The following CAPZB variants were observed in gnomAD, a reference collection of about 807,000 sequenced individuals.
CAPZB encodes F-actin-capping protein subunit beta.
Under a neutral mutation model 38.1 loss-of-function variants are expected in CAPZB, and 2 were observed. The observed-to-expected ratio is 0.05, with a 90% CI of 0.02 to 0.17. CAPZB has a LOEUF of 0.17. CAPZB is among the 10% of genes least tolerant of loss of function. The probability of loss-of-function intolerance (pLI) is 1.00; values close to 1 mark genes in which losing one functional copy is unlikely to be tolerated. For synonymous variants in CAPZB, 107 were observed against 127.4 expected (o/e 0.84, Z 1.08); for missense variants, 161 against 334.2 (o/e 0.48, Z 4.04).
chr1:19,436,865 G>A (rs1208437983), intron 1 of CAPZB, among the ~76,000 whole-genome samples: 2 of 152,202 alleles, frequency 1.3e-5, no homozygotes, highest in Admixed American at 6.5e-5. Flanking sequence ...CAAAGGCCTC[G>A]CTGGCCTTCT....
At chr1:19,378,940 G>T (rs2094157941) in intron 3 of CAPZB, among the ~76,000 whole-genome samples, 1 of 152,152 alleles carries the variant, frequency 6.6e-6, no homozygotes, top group African/African-American at 2.4e-5. Context: ...TGCGTAAAAT[G>T]CGGCTGCTAC....
chr1:19,469,738 G>T (rs1168195275), intron 1 of CAPZB, among the ~76,000 whole-genome samples: 3 of 86,614 alleles, frequency 3.5e-5, no homozygotes, highest in African/African-American at 1.4e-4. Context: ...AGGAGGAAAA[G>T]AATACACACA....
At chr1:19,381,031 T>C (rs556665656) in intron 3 of CAPZB, among the ~76,000 whole-genome samples, 23 of 152,118 alleles carry the variant, frequency 1.5e-4, no homozygotes, top group Admixed American at 1.2e-3. Context: ...TAGCTGGGTG[T>C]GGTGGCATGC....
At chr1:19,484,178 C>T (rs1202220204) in intron 1 of CAPZB, 1 of 1,610,132 alleles carries the variant, frequency 6.2e-7, no homozygotes, top group Non-Finnish European at 8.5e-7. Flanking sequence ...TCTCCCTAGG[C>T]GTTCTGCTCA....
chr1:19,471,560 GTTA>G (rs568001248), intron 1 of CAPZB, among the ~76,000 whole-genome samples: 1 of 133,152 alleles, frequency 7.5e-6, no homozygotes, highest in East Asian at 2.1e-4. Context: ...GTTCTTGTCT[GTTA>G]CGTCGAGAAA....
At position 19,349,818 on chromosome 1, in the gene CAPZB, G is replaced by A. The variant is rs149703188; in HGVS notation, c.589-4566C>T. 2.9e-3 allele frequency among the ~76,000 whole-genome samples: 438 copies of A among 152,200 alleles called. 1 individual carries two copies. The highest frequency in any genetic ancestry group is 6.8e-3 in the Middle Eastern group (2 of 294). On this transcript the variant is annotated intron_variant, in intron 6 of 8. Transcript: ENST00000264202. ...GTGCTTGGGGAGTGAGGGGCACAGG[G>A]CTCGGTGCACCCGGCCGTATTTCCA...
At chr1:19,366,283 A>AATATAAAT (rs1553270785) in intron 4 of CAPZB, among the ~76,000 whole-genome samples, 2 of 60,504 alleles carry the variant, frequency 3.3e-5, no homozygotes, top group African/African-American at 1.3e-4. Context: ...CGTGTCTTAA[A>AATATAAAT]ATATATATAT....
In CAPZB at chr1:19,436,451, AG is replaced by A. The variant is rs1393105612; in HGVS notation, c.4-16702del. Among the ~76,000 whole-genome samples, 3 of 152,222 alleles carry A rather than the reference AG, an allele frequency of 2.0e-5. No homozygotes were observed. The East Asian group carries it at 5.8e-4, about 29-fold the overall frequency. On this transcript the variant is annotated intron_variant, in intron 1 of 8. Transcript: ENST00000264202. ...TCAGATATGCCGAAGTGAAGACAAA[AG>A]GGCTTCTTTAAGTGCAATTTCTCAA... is the stretch of plus-strand genomic sequence containing the variant.
At chr1:19,415,982 G>A (rs191130938) in intron 2 of CAPZB, among the ~76,000 whole-genome samples, 2 of 152,328 alleles carry the variant, frequency 1.3e-5, no homozygotes, top group African/African-American at 2.4e-5. Flanking sequence ...CACTCTGGAC[G>A]ATGGGAATCC....
chr1:19,449,274 A>G (rs1053915830), intron 1 of CAPZB: 4 of 1,058,754 alleles, frequency 3.8e-6, no homozygotes, highest in Non-Finnish European at 4.6e-6. Context: ...TTCCGATGAC[A>G]GCCAGAAGAG....
In CAPZB at chr1:19,356,126, C is replaced by A. The variant is rs1035067449; in HGVS notation, c.588+509G>T. Reference sequence around the variant, plus strand: ...CATTACCTGGGCAATTTTGTGAAAACAGAGATCCTGATATGCTAGGTCTGG... The same window carrying A: ...CATTACCTGGGCAATTTTGTGAAAAAAGAGATCCTGATATGCTAGGTCTGG... On this transcript the variant is annotated intron_variant, in intron 6 of 8. Coordinates refer to ENST00000264202, the MANE Select transcript of CAPZB (RefSeq NM_004930.5). This position sits in a 1 kb window ranked among gnomAD's most constrained non-coding sequence, Gnocchi z 4.3. Among the ~76,000 whole-genome samples, 1 of 152,200 alleles carries A rather than the reference C, an allele frequency of 6.6e-6. No individual in the cohort carries two copies. Among genetic ancestry groups the A allele is most frequent in the Non-Finnish European group, 1.5e-5 (1 of 68,044 alleles).
chr1:19,407,130 C>T (rs1357779698), intron 2 of CAPZB, among the ~76,000 whole-genome samples: 1 of 152,146 alleles, frequency 6.6e-6, no homozygotes, highest in East Asian at 1.9e-4. Context: ...CCAAATACAC[C>T]AAAACAGGCT....
At chr1:19,451,335 C>A (rs1051009029) in intron 1 of CAPZB, among the ~76,000 whole-genome samples, 1 of 152,064 alleles carries the variant, frequency 6.6e-6, no homozygotes, top group Non-Finnish European at 1.5e-5. Flanking sequence ...AAACAGGGAA[C>A]GGAAACAACA....
At chr1:19,476,195 GATA>G (rs2094605990) in intron 1 of CAPZB, among the ~76,000 whole-genome samples, 1 of 137,570 alleles carries the variant, frequency 7.3e-6, no homozygotes, top group Non-Finnish European at 1.5e-5. Context: ...TAGATAGATA[GATA>G]GATAGATAGA....
intron 1 of CAPZB, among the ~76,000 whole-genome samples, chr1:19,427,089 G>A (rs2094425648): frequency 6.6e-6 from 1 of 152,214 alleles, no homozygotes; most frequent in South Asian, 2.1e-4. Context: ...CCTAGCTGGG[G>A]CCAACTGCTA....
At chr1:19,436,791 G>C (rs1183472659) in intron 1 of CAPZB, among the ~76,000 whole-genome samples, 1 of 152,224 alleles carries the variant, frequency 6.6e-6, no homozygotes, top group Non-Finnish European at 1.5e-5. Context: ...AATTCTACAT[G>C]TTAAGTCAAC....
intron 2 of CAPZB, among the ~76,000 whole-genome samples, chr1:19,408,393 G>A (rs2094342673): frequency 6.6e-6 from 1 of 152,260 alleles, no homozygotes; most frequent in Admixed American, 6.5e-5. Context: ...GGGAGATGAA[G>A]TGCCTTGTCC....
intron 3 of CAPZB, among the ~76,000 whole-genome samples, chr1:19,384,889 C>T (rs1042919180): frequency 1.3e-5 from 2 of 152,156 alleles, no homozygotes; most frequent in South Asian, 2.1e-4. Context: ...TCTGTGCTAC[C>T]GTCCCACCCT....
At chr1:19,385,743 C>T (rs2094200672) in intron 2 of CAPZB, 117 bp from the exon 3 acceptor site, 4 of 1,220,892 alleles carry the variant, frequency 3.3e-6, no homozygotes, top group Admixed American at 1.7e-5. Flanking sequence ...GCCCTGGGCA[C>T]TGAGACAAAA....
Sources: allele counts gnomAD v4.1 joint callset (sites outside exome capture counted in the v4.1 genomes callset), GRCh38; gene constraint gnomAD v4.1.1; non-coding constraint Gnocchi (gnomAD v3.1); transcripts MANE v1.5; gene names NCBI Gene and HGNC (gene_info 2026-07-23, HGNC 2026-07-21).